Variants in OCA2 observed in about 807,000 individuals in gnomAD.
OCA2 encodes P protein.
A neutral mutation model predicts 100.2 loss-of-function variants in OCA2; 77 were observed. The ratio of observed to expected loss-of-function variants is 0.77; its 90% CI spans 0.64 to 0.93. The LOEUF (loss-of-function observed/expected upper bound fraction) is 0.93, where lower values mean the gene tolerates loss of function less well. Ranked by LOEUF, OCA2 falls within the 40% of genes least tolerant of loss-of-function variation. The pLI is 0.00. For missense variants in OCA2, 1,062 were observed against 1,089.1 expected (o/e 0.98, Z 0.35); for synonymous variants, 432 against 439.2 (o/e 0.98, Z 0.21).
chr15:27,907,462 GA>G (rs1366338164), intron 19 of OCA2, among the ~76,000 whole-genome samples: 6 of 151,516 alleles, frequency 4.0e-5, no homozygotes, highest in African/African-American at 1.2e-4. Flanking sequence ...CTAAAAACTA[GA>G]AAAAAACAAA....
the OCA2 span, among the ~76,000 whole-genome samples, chr15:27,722,489 A>G: frequency 6.6e-6 from 1 of 152,182 alleles, no homozygotes; most frequent in Non-Finnish European, 1.5e-5. Flanking sequence ...GTGGCCATCT[A>G]ATACTTGCTT....
chr15:27,922,684 T>G (rs1006462044), intron 19 of OCA2, among the ~76,000 whole-genome samples: 1 of 39,268 alleles, frequency 2.5e-5, no homozygotes, highest in Non-Finnish European at 4.6e-5. Flanking sequence ...GTTTGGGGTG[T>G]GTGTGTGTGT....
At chr15:27,821,669 C>T (rs180868669) in intron 23 of OCA2, among the ~76,000 whole-genome samples, 7 of 151,850 alleles carry the variant, frequency 4.6e-5, no homozygotes, top group African/African-American at 1.5e-4. Flanking sequence ...GGCTCACATG[C>T]ATACGTGTAT....
intron 23 of OCA2, among the ~76,000 whole-genome samples, chr15:27,797,956 C>T (rs928893953): frequency 7.9e-5 from 12 of 152,278 alleles, no homozygotes; most frequent in Admixed American, 7.2e-4. Flanking sequence ...AGCACTCTAC[C>T]CGGGAGCTGA....
At chr15:28,007,679 G>A (rs984731083) in intron 9 of OCA2, among the ~76,000 whole-genome samples, 7 of 151,418 alleles carry the variant, frequency 4.6e-5, no homozygotes, top group African/African-American at 9.7e-5. Context: ...GCAGTGAGCC[G>A]AGATTGCACT....
At chr15:28,007,835 G>T (rs2042131696) in intron 9 of OCA2, among the ~76,000 whole-genome samples, 1 of 152,106 alleles carries the variant, frequency 6.6e-6, no homozygotes, top group Non-Finnish European at 1.5e-5. Context: ...ATAACCCAAG[G>T]TATTTCCTGA....
intron 15 of OCA2, among the ~76,000 whole-genome samples, chr15:27,961,147 C>T (rs935981738): frequency 9.9e-5 from 15 of 152,070 alleles, no homozygotes; most frequent in African/African-American, 3.6e-4. Flanking sequence ...AGGATATGAG[C>T]AGACACTTCT....
intron 19 of OCA2, among the ~76,000 whole-genome samples, chr15:27,902,800 C>A (rs2038007299): frequency 6.6e-6 from 1 of 152,228 alleles, no homozygotes; most frequent in South Asian, 2.1e-4. Flanking sequence ...CTACGTGCAG[C>A]CGACCTGGCC....
At chr15:28,033,360 T>A (rs1324503846) in intron 2 of OCA2, among the ~76,000 whole-genome samples, 2 of 152,224 alleles carry the variant, frequency 1.3e-5, no homozygotes, top group Non-Finnish European at 2.9e-5. Context: ...TAATTCTTTC[T>A]GATCACGAAT....
chr15:28,084,888 CG>C (rs1456873953), intron 1 of OCA2, among the ~76,000 whole-genome samples: 1 of 152,210 alleles, frequency 6.6e-6, no homozygotes, highest in African/African-American at 2.4e-5. Context: ...ATCTGGAGAG[CG>C]AGCAGCAGTG....
chr15:28,003,667 T>A (rs2041998415), intron 9 of OCA2, among the ~76,000 whole-genome samples: 1 of 150,172 alleles, frequency 6.7e-6, no homozygotes, highest in Non-Finnish European at 1.5e-5. Flanking sequence ...CCCCGAACGC[T>A]GAGCCCGAGG....
At chr15:28,011,473 A>AAAT (rs1233768654) in intron 9 of OCA2, among the ~76,000 whole-genome samples, 45 of 152,146 alleles carry the variant, frequency 3.0e-4, no homozygotes, top group South Asian at 2.3e-3. Context: ...ATCTCAAAGA[A>AAAT]AATAATAATA....
chr15:27,902,679 T>A (rs1308020838), intron 19 of OCA2, among the ~76,000 whole-genome samples: 1 of 152,132 alleles, frequency 6.6e-6, no homozygotes, highest in Non-Finnish European at 1.5e-5. Context: ...TAGTGTGAAG[T>A]GCCACCAGGG....
chr15:27,742,652 G>C, the OCA2 span, among the ~76,000 whole-genome samples: 1 of 152,210 alleles, frequency 6.6e-6, no homozygotes, highest in African/African-American at 2.4e-5. Context: ...ATGAGCTGAA[G>C]AGAGCAAAAC....
intron 9 of OCA2, among the ~76,000 whole-genome samples, chr15:28,002,116 G>A (rs1467639257): frequency 1.3e-5 from 2 of 152,336 alleles, no homozygotes; most frequent in East Asian, 3.9e-4. Flanking sequence ...TCAAGGTTGG[G>A]CAGGAGGCAC....
chr15:27,785,213 T>C (rs1374807549), intron 23 of OCA2, among the ~76,000 whole-genome samples: 2 of 151,994 alleles, frequency 1.3e-5, no homozygotes, highest in African/African-American at 4.8e-5. Flanking sequence ...CAAAATTCTA[T>C]GCACAGCAAA....
chr15:27,834,007 G>T (rs1478604415), intron 23 of OCA2, among the ~76,000 whole-genome samples: 2 of 152,190 alleles, frequency 1.3e-5, no homozygotes, highest in African/African-American at 2.4e-5. Context: ...GGCATTTCCT[G>T]AGTGATAAGA....
chr15:27,824,177 G>A (rs2034610920), intron 23 of OCA2, among the ~76,000 whole-genome samples: 1 of 152,120 alleles, frequency 6.6e-6, no homozygotes, highest in Admixed American at 6.5e-5. Flanking sequence ...AGACCAGCCT[G>A]GCTAACATGG....
intron 2 of OCA2, among the ~76,000 whole-genome samples, chr15:28,060,961 G>A (rs567643815): frequency 6.6e-6 from 1 of 152,272 alleles, no homozygotes; most frequent in African/African-American, 2.4e-5. Context: ...TTCTCTCCTG[G>A]GCGTTTGCCA....
Sources: gnomAD v4.1 joint callset for allele counts (sites outside exome capture counted in the v4.1 genomes callset) on GRCh38, gnomAD v4.1.1 for gene constraint, MANE v1.5 for transcripts, NCBI Gene and HGNC (gene_info 2026-07-23, HGNC 2026-07-21) for gene names.